The following HDAC4 variants were observed in gnomAD, a reference collection of about 807,000 sequenced individuals.
HDAC4 encodes histone deacetylase A.
A neutral mutation model predicts 135.1 loss-of-function variants in HDAC4; 16 were observed. The ratio of observed to expected loss-of-function variants is 0.12; its 90% CI spans 0.08 to 0.18. HDAC4 has a LOEUF of 0.18. Ranked by LOEUF, HDAC4 falls within the 10% of genes least tolerant of loss-of-function variation. The probability of loss-of-function intolerance (pLI) is 1.00; values close to 1 mark genes in which losing one functional copy is unlikely to be tolerated. For missense variants in HDAC4, 1,143 were observed against 1,511.8 expected, an observed-to-expected ratio of 0.76 and a Z score of 4.05; for synonymous variants, 685 against 653.4, an observed-to-expected ratio of 1.05 and a Z score of -0.74.
chr2:239,214,165 A>G (rs1314727074), intron 3 of HDAC4, among the ~76,000 whole-genome samples: 1 of 152,222 alleles, frequency 6.6e-6, no homozygotes, highest in Non-Finnish European at 1.5e-5. Flanking sequence ...GAAAGCCAGC[A>G]GGGCTGTGCT....
intron 15 of HDAC4, 144 bp downstream of exon 15, chr2:239,107,906 T>G: frequency 9.9e-7 from 1 of 1,012,510 alleles, no homozygotes; most frequent in Admixed American, 2.0e-5. Context: ...ATGCAGACAG[T>G]GAAGATGCTT....
chr2:239,066,937 G>T, intron 23 of HDAC4, 82 bp from the exon 24 acceptor site: 1 of 1,525,986 alleles, frequency 6.6e-7, no homozygotes, highest in Non-Finnish European at 8.9e-7. Flanking sequence ...TCATGGCATC[G>T]TAAGAAGACT....
intron 3 of HDAC4, among the ~76,000 whole-genome samples, chr2:239,226,780 G>A (rs1192945430): frequency 6.6e-6 from 1 of 152,254 alleles, no homozygotes; most frequent in Non-Finnish European, 1.5e-5. Flanking sequence ...GTTGGAAAGT[G>A]AGGCCGGCAG....
intron 16 of HDAC4, among the ~76,000 whole-genome samples, chr2:239,097,000 G>A (rs2037167121): frequency 6.6e-6 from 1 of 152,182 alleles, no homozygotes; most frequent in Non-Finnish European, 1.5e-5. Flanking sequence ...GGGGCTCAGG[G>A]GCTCCCAGGC....
At chr2:239,342,979 T>A (rs1012147555) in intron 2 of HDAC4, among the ~76,000 whole-genome samples, 4 of 152,076 alleles carry the variant, frequency 2.6e-5, no homozygotes, top group African/African-American at 9.7e-5. Flanking sequence ...GTATTTGTTT[T>A]CCTAAAAAGG....
chr2:239,114,898 C>T (rs1027774397), intron 13 of HDAC4, among the ~76,000 whole-genome samples, 155 bp downstream of exon 13: 1 of 152,168 alleles, frequency 6.6e-6, no homozygotes, highest in African/African-American at 2.4e-5. Context: ...GCCACATCAA[C>T]CTCCCTCACT....
chr2:239,265,686 C>T (rs1023161021), intron 2 of HDAC4, among the ~76,000 whole-genome samples: 2 of 152,246 alleles, frequency 1.3e-5, no homozygotes, highest in African/African-American at 4.8e-5. Context: ...AGGCACCCCA[C>T]AAAGACACAG....
chr2:239,152,549 T>G (rs3791497), intron 7 of HDAC4, among the ~76,000 whole-genome samples: 13,162 of 152,164 alleles, frequency 0.086, 620 homozygotes, highest in East Asian at 0.18. Flanking sequence ...TGGGTAGAGG[T>G]CTCTGACTCT....
chr2:239,385,988 G>C (rs531938782), intron 1 of HDAC4, among the ~76,000 whole-genome samples: 1 of 152,196 alleles, frequency 6.6e-6, no homozygotes, highest in African/African-American at 2.4e-5. Flanking sequence ...GCTAAACAAT[G>C]TGGCCAGACC....
Position 239,215,708 on chromosome 2 carries a change from A to G in HDAC4, c.94+20885T>C, listed in dbSNP as rs192452842. On this transcript the variant is annotated intron_variant, in intron 3 of 26. Coordinates refer to ENST00000543185, the MANE Select transcript of HDAC4 (RefSeq NM_001378414.1). ...CTTCCCCACTAACCAAAACAGAAAC[A>G]AGACACAAAAACTTCAAAACAAGAA... Among the ~76,000 whole-genome samples the G allele has an allele frequency of 2.5e-3, 374 of 152,278 alleles. 5 individuals are homozygous for G. Among genetic ancestry groups the G allele is most frequent in the Non-Finnish European group, 8.2e-4 (56 of 68,012 alleles).
chr2:239,386,867 G>C, intron 1 of HDAC4, among the ~76,000 whole-genome samples: 1 of 152,192 alleles, frequency 6.6e-6, no homozygotes, highest in East Asian at 1.9e-4. Flanking sequence ...AGAGGATTTC[G>C]CCACCCTCAC....
At chr2:239,228,255 G>C (rs553457747) in intron 3 of HDAC4, among the ~76,000 whole-genome samples, 298 of 152,320 alleles carry the variant, frequency 2.0e-3, no homozygotes, top group African/African-American at 6.0e-3. Flanking sequence ...CCTGCTGGAG[G>C]CCATGTGGCC....
chr2:239,353,958 C>A (rs1283085788), intron 1 of HDAC4, among the ~76,000 whole-genome samples: 4 of 152,082 alleles, frequency 2.6e-5, no homozygotes, highest in Non-Finnish European at 5.9e-5. Flanking sequence ...TAAAATAGTT[C>A]CCTCATGTTT....
chr2:239,319,560 C>T (rs925738), intron 2 of HDAC4, among the ~76,000 whole-genome samples: 51,510 of 152,078 alleles, frequency 0.34, 9,622 homozygotes, highest in Non-Finnish European at 0.43. Flanking sequence ...GTAGCTTACC[C>T]GTGACCCGGC....
chr2:239,048,681 G>A lies in HDAC4; in HGVS notation c.*4416C>T, dbSNP rs1210376815. 1 of 152,174 alleles carries A rather than the reference G, an allele frequency of 6.6e-6. No individual in the cohort carries two copies. Among genetic ancestry groups the A allele is most frequent in the Non-Finnish European group, 1.5e-5 (1 of 68,028 alleles). 9.4% of individuals were successfully genotyped at this position (152,174 alleles called of 1,614,324 possible). A position where few individuals can be genotyped will look rare whatever the true frequency, so the allele number is the denominator to read the frequency against. ...CAAAAAAAACAAACAAAAACTGTTCGCTTTCTTTTTCTTTCAATAGCAGAC... is the reference window on the plus strand; with the variant it reads ...CAAAAAAAACAAACAAAAACTGTTCACTTTCTTTTTCTTTCAATAGCAGAC... On this transcript the variant is annotated 3_prime_UTR_variant, in exon 27 of 27. Coordinates refer to ENST00000543185, the MANE Select transcript of HDAC4 (RefSeq NM_001378414.1).
At chr2:239,374,089 C>G (rs1030820127) in intron 1 of HDAC4, among the ~76,000 whole-genome samples, 8 of 152,182 alleles carry the variant, frequency 5.3e-5, no homozygotes, top group Non-Finnish European at 7.3e-5. Context: ...ACACTGAGAA[C>G]AGTGATGCTA....
At chr2:239,362,175 T>C (rs1406271759) in intron 1 of HDAC4, among the ~76,000 whole-genome samples, 1 of 152,244 alleles carries the variant, frequency 6.6e-6, no homozygotes, top group Non-Finnish European at 1.5e-5. Context: ...AAGACAGCCA[T>C]GGTCACTCTG....
chr2:239,055,560 T>C (rs2031691830), intron 24 of HDAC4, among the ~76,000 whole-genome samples: 1 of 151,728 alleles, frequency 6.6e-6, no homozygotes, highest in South Asian at 2.1e-4. Context: ...CTACTAAAAA[T>C]ACAAAACTTA....
At chr2:239,098,217 A>G (rs781597450) in intron 16 of HDAC4, among the ~76,000 whole-genome samples, 3 of 152,276 alleles carry the variant, frequency 2.0e-5, no homozygotes, top group Non-Finnish European at 4.4e-5. Context: ...TGAGGAGCCC[A>G]GCGGCCTCCT....
Sources: gnomAD v4.1 joint callset for allele counts (sites outside exome capture counted in the v4.1 genomes callset) on GRCh38, gnomAD v4.1.1 for gene constraint, MANE v1.5 for transcripts, NCBI Gene and HGNC (gene_info 2026-07-23, HGNC 2026-07-21) for gene names.